The following TUSC3 variants were observed in gnomAD, a reference collection of about 807,000 sequenced individuals.
TUSC3 encodes the protein dolichyl-diphosphooligosaccharide--protein glycosyltransferase subunit TUSC3.
Under a neutral mutation model 44.8 loss-of-function variants are expected in TUSC3, and 45 were observed. The observed-to-expected ratio is 1.00, with a 90% CI of 0.79 to 1.29. The LOEUF is 1.29. Among genes scored for constraint, TUSC3 ranks in the 50% most tolerant of loss-of-function variants. The probability of loss-of-function intolerance (pLI) is 0.00; values close to 1 mark genes in which losing one functional copy is unlikely to be tolerated. For synonymous variants in TUSC3, 212 were observed against 152.9 expected (o/e 1.39, Z -2.85); for missense variants, 519 against 437.9 (o/e 1.19, Z -1.65).
the TUSC3 span, among the ~76,000 whole-genome samples, chr8:15,771,994 C>A: frequency 5.9e-5 from 9 of 152,016 alleles, no homozygotes; most frequent in Non-Finnish European, 1.0e-4. Flanking sequence ...GAGGCTGAGG[C>A]AGGAGAATGG....
rs1041460580 is a variant in TUSC3, at chr8:15,713,946, T to A, written c.799-16720T>A. On this transcript the variant is annotated intron_variant, in intron 6 of 10. Transcript: ENST00000503731. ...CACTTATTCACAACCGTGGCCTCATTTGAAAAGTACTTAAGCAAATACCAC... is the reference window on the plus strand; with the variant it reads ...CACTTATTCACAACCGTGGCCTCATATGAAAAGTACTTAAGCAAATACCAC... 3.9e-5 allele frequency among the ~76,000 whole-genome samples: 6 copies of A among 152,252 alleles called. No individual in the cohort carries two copies. The South Asian group carries it at 6.2e-4, about 16-fold the overall frequency.
At chr8:15,460,391 T>G (rs922014403) in intron 1 of TUSC3, among the ~76,000 whole-genome samples, 1 of 152,064 alleles carries the variant, frequency 6.6e-6, no homozygotes, top group Admixed American at 6.6e-5. Flanking sequence ...GGATTGCTTG[T>G]TTTTTTATCG....
At chr8:15,762,659 A>G (rs558886168) in intron 10 of TUSC3, among the ~76,000 whole-genome samples, 48 of 152,256 alleles carry the variant, frequency 3.2e-4, no homozygotes, top group Admixed American at 1.1e-3. Flanking sequence ...AGTTTTAAGT[A>G]TCAGTTCATT....
the TUSC3 span, among the ~76,000 whole-genome samples, chr8:15,836,337 T>C: frequency 7.0e-6 from 1 of 141,882 alleles, no homozygotes; most frequent in East Asian, 2.2e-4. Flanking sequence ...AAAAAAAAAA[T>C]TGCGCTGGCG....
chr8:15,768,132 G>C (rs73665501), downstream of TUSC3, among the ~76,000 whole-genome samples: 7 of 148,922 alleles, frequency 4.7e-5, no homozygotes, highest in African/African-American at 1.5e-4. Context: ...TGTCTGTAAA[G>C]TGGGGAGAGT....
At chr8:15,420,817 T>C (rs1242030184) in intron 1 of TUSC3, among the ~76,000 whole-genome samples, 1 of 152,108 alleles carries the variant, frequency 6.6e-6, no homozygotes, top group Non-Finnish European at 1.5e-5. Context: ...TCCTTTGTCT[T>C]AGCTCATAGG....
At chr8:15,606,915 CA>C (rs1563130411) in intron 1 of TUSC3, among the ~76,000 whole-genome samples, 5 of 150,502 alleles carry the variant, frequency 3.3e-5, no homozygotes, top group African/African-American at 1.2e-4. Flanking sequence ...TTTAATAAAA[CA>C]TTGTGTGTGT....
intron 6 of TUSC3, among the ~76,000 whole-genome samples, chr8:15,686,250 T>C (rs1808624056): frequency 6.6e-6 from 1 of 152,150 alleles, no homozygotes; most frequent in African/African-American, 2.4e-5. Context: ...CAATATGCAT[T>C]TAATGAAATA....
rs1395915537 is a variant in TUSC3 at position 15,523,884 on chromosome 8, C to T, written n.189+40401C>T. On this transcript the variant is annotated intron_variant and non_coding_transcript_variant, in intron 2 of 5. Transcript: ENST00000503191. Reference sequence around the variant, plus strand: ...CATCCTCGCCAACATGGTGAAACCCCGTGTCTACTAGCAATACAAAAATTA... The same window carrying T: ...CATCCTCGCCAACATGGTGAAACCCTGTGTCTACTAGCAATACAAAAATTA... 3.3e-5 allele frequency among the ~76,000 whole-genome samples: 5 copies of T among 151,190 alleles called. No individual in the cohort carries two copies. The East Asian group carries it at 5.8e-4, about 18-fold the overall frequency.
At chr8:15,445,530 T>C (rs1213181757) in intron 1 of TUSC3, among the ~76,000 whole-genome samples, 1 of 152,162 alleles carries the variant, frequency 6.6e-6, no homozygotes, top group Non-Finnish European at 1.5e-5. Context: ...TTAACGAGCA[T>C]GCTGCCTTCA....
At chr8:15,594,686 G>A (rs1229575794) in intron 1 of TUSC3, among the ~76,000 whole-genome samples, 1 of 152,100 alleles carries the variant, frequency 6.6e-6, no homozygotes, top group Non-Finnish European at 1.5e-5. Context: ...TTTGGCTGGT[G>A]GGAACAGGCA....
At chr8:15,558,968 A>G (rs541113029) in intron 1 of TUSC3, among the ~76,000 whole-genome samples, 234 of 150,226 alleles carry the variant, frequency 1.6e-3, no homozygotes, top group African/African-American at 5.4e-3. Context: ...TGGATTCATT[A>G]ATTTTTTGAA....
chr8:15,676,883 T>G (rs1428269638), intron 6 of TUSC3, among the ~76,000 whole-genome samples: 1 of 152,180 alleles, frequency 6.6e-6, no homozygotes, highest in Non-Finnish European at 1.5e-5. Flanking sequence ...TTTCTTTTTC[T>G]GCAAAAAGGA....
chr8:15,425,863 A>C (rs1219909013), intron 1 of TUSC3, among the ~76,000 whole-genome samples: 1 of 152,148 alleles, frequency 6.6e-6, no homozygotes. Flanking sequence ...TTAAAATAGA[A>C]AAATAGGACA....
chr8:15,761,609 A>G (rs1812171244), intron 10 of TUSC3, among the ~76,000 whole-genome samples: 1 of 152,210 alleles, frequency 6.6e-6, no homozygotes, highest in Non-Finnish European at 1.5e-5. Flanking sequence ...ATGCACATGC[A>G]GACTACTACT....
At chr8:15,442,804 C>T (rs971031492) in intron 1 of TUSC3, among the ~76,000 whole-genome samples, 1 of 152,120 alleles carries the variant, frequency 6.6e-6, no homozygotes, top group South Asian at 2.1e-4. Flanking sequence ...TCCTCTGAGT[C>T]CTCTTCCCTA....
chr8:15,470,554 G>T (rs1379647199), intron 1 of TUSC3, among the ~76,000 whole-genome samples: 1 of 152,072 alleles, frequency 6.6e-6, no homozygotes, highest in African/African-American at 2.4e-5. Flanking sequence ...CGGGACAGGA[G>T]GTATATGGGA....
intron 1 of TUSC3, among the ~76,000 whole-genome samples, chr8:15,608,745 C>T (rs1159945512): frequency 6.6e-6 from 1 of 152,170 alleles, no homozygotes; most frequent in Non-Finnish European, 1.5e-5. Flanking sequence ...GTGCCAGCTT[C>T]CCCTTCCACC....
At chr8:15,785,770 T>A in the TUSC3 span, among the ~76,000 whole-genome samples, 1 of 152,062 alleles carries the variant, frequency 6.6e-6, no homozygotes, top group Middle Eastern at 3.2e-3. Flanking sequence ...ATGCCTAACA[T>A]ATCACGAAGC....
Sources: allele counts gnomAD v4.1 joint callset (sites outside exome capture counted in the v4.1 genomes callset), GRCh38; gene constraint gnomAD v4.1.1; transcripts MANE v1.5; gene names NCBI Gene and HGNC (gene_info 2026-07-23, HGNC 2026-07-21).